AGTPBP1: variants seen among roughly 807,000 people sequenced by gnomAD.
The protein encoded by AGTPBP1 is cytosolic carboxypeptidase 1.
A neutral mutation model predicts 143.9 loss-of-function variants in AGTPBP1; 70 were observed. The observed-to-expected ratio is 0.49, with a 90% CI of 0.40 to 0.59. AGTPBP1 has a LOEUF of 0.59. AGTPBP1 is among the 20% of genes least tolerant of loss of function. The pLI is 0.00. For synonymous variants in AGTPBP1, 463 were observed against 500.2 expected (o/e 0.93, Z 0.99); for missense variants, 1,229 against 1,464.5 (o/e 0.84, Z 2.62).
At chr9:85,688,916 A>G (rs952567478) in intron 3 of AGTPBP1, among the ~76,000 whole-genome samples, 3 of 152,180 alleles carry the variant, frequency 2.0e-5, no homozygotes, top group African/African-American at 4.8e-5. Context: ...TAACAATTTG[A>G]TATGTATCCT....
upstream of AGTPBP1, chr9:85,742,013 G>A: frequency 1.7e-6 from 2 of 1,204,312 alleles, no homozygotes; most frequent in Middle Eastern, 3.3e-4. Flanking sequence ...TTGCCAGCCG[G>A]CTCCCAGCAC....
intron 14 of AGTPBP1, among the ~76,000 whole-genome samples, chr9:85,625,668 G>T (rs555447428): frequency 6.6e-6 from 1 of 151,660 alleles, no homozygotes. Context: ...GGCAGAACAC[G>T]ATGGCAGGAG....
chr9:85,661,046 A>G, intron 8 of AGTPBP1, 73 bp from the exon 9 acceptor site: 1 of 1,244,088 alleles, frequency 8.0e-7, no homozygotes, highest in Non-Finnish European at 1.1e-6. Context: ...AATTCATACA[A>G]TCTTTTTCAA....
At chr9:85,702,892 G>A (rs549813926) in intron 2 of AGTPBP1, among the ~76,000 whole-genome samples, 1 of 152,112 alleles carries the variant, frequency 6.6e-6, no homozygotes, top group Non-Finnish European at 1.5e-5. Context: ...TGCCTGATCT[G>A]CTTCTCTGGA....
At chr9:85,762,573 C>T in the AGTPBP1 span, among the ~76,000 whole-genome samples, 7 of 140,822 alleles carry the variant, frequency 5.0e-5, no homozygotes, top group Non-Finnish European at 9.0e-5. Flanking sequence ...TTGAACAATG[C>T]GAACACTTGG....
chr9:85,707,152 G>T (rs889794707), intron 2 of AGTPBP1, among the ~76,000 whole-genome samples: 3 of 151,988 alleles, frequency 2.0e-5, no homozygotes, highest in Non-Finnish European at 4.4e-5. Flanking sequence ...ATAACCCATG[G>T]ATCAAAGAAA....
chr9:85,730,010 C>G (rs1046755558), intron 1 of AGTPBP1, among the ~76,000 whole-genome samples: 1 of 152,084 alleles, frequency 6.6e-6, no homozygotes, highest in Non-Finnish European at 1.5e-5. Context: ...GTCTGAGGTT[C>G]CTGATTACCA....
At chr9:85,713,235 A>C (rs1034900528) in intron 1 of AGTPBP1, among the ~76,000 whole-genome samples, 1 of 152,242 alleles carries the variant, frequency 6.6e-6, no homozygotes, top group Non-Finnish European at 1.5e-5. Flanking sequence ...CTGTGAATTC[A>C]AAAAGTTAAT....
the AGTPBP1 span, among the ~76,000 whole-genome samples, chr9:85,758,642 C>T: frequency 6.6e-6 from 1 of 151,950 alleles, no homozygotes; most frequent in Non-Finnish European, 1.5e-5. Flanking sequence ...AAAACTCCAT[C>T]TCAACAAAAA....
In AGTPBP1 at chr9:85,690,446, T is replaced by A. The variant is rs770430175; in HGVS notation, c.157+2243A>T. Among the ~76,000 whole-genome samples the A allele has an allele frequency of 3.9e-4, 60 of 152,106 alleles. 1 individual carries two copies. The highest frequency in any genetic ancestry group is 2.0e-4 in the Admixed American group (3 of 15,266). On this transcript the variant is annotated intron_variant, in intron 3 of 25. Coordinates refer to ENST00000357081, the MANE Select transcript of AGTPBP1 (RefSeq NM_001330701.2). ...TGAAAAGGTGGGAAGAGGGTCATTC[T>A]CTGATAGTGGTATGGTCAGGAGTAT...
At chr9:85,681,049 AT>A (rs2134158212) in intron 4 of AGTPBP1, among the ~76,000 whole-genome samples, 1 of 152,354 alleles carries the variant, frequency 6.6e-6, no homozygotes, top group African/African-American at 2.4e-5. Context: ...ACATATTAAA[AT>A]ATTTATACCA....
Position 85,718,979 on chromosome 9 carries a change from A to G in AGTPBP1, c.-33-6413T>C, listed in dbSNP as rs1837915409. Among the ~76,000 whole-genome samples, 3 of 152,100 alleles carry G rather than the reference A, an allele frequency of 2.0e-5. 1 individual carries two copies. Among genetic ancestry groups the G allele is most frequent in the Admixed American group, 2.0e-4 (3 of 15,268 alleles). On this transcript the variant is annotated intron_variant, in intron 1 of 25. Transcript: ENST00000357081. ...GGTTTGTCAAAGATCAGATGGTTGC[A>G]GATGTATGGTGTTATATCTGAGGCC...
intron 2 of AGTPBP1, among the ~76,000 whole-genome samples, chr9:85,697,434 A>ATTTGTTT (rs1564156409): frequency 1.5e-4 from 19 of 124,512 alleles, no homozygotes; most frequent in South Asian, 7.8e-4. Flanking sequence ...ATGGGTCTTA[A>ATTTGTTT]TTTGTTTTTT....
the AGTPBP1 span, among the ~76,000 whole-genome samples, chr9:85,784,570 G>C: frequency 6.6e-6 from 1 of 152,142 alleles, no homozygotes; most frequent in Non-Finnish European, 1.5e-5. Flanking sequence ...ACTGCACCCA[G>C]CTAGGGAGCA....
chr9:85,616,876 C>A (rs1172763121), intron 17 of AGTPBP1, among the ~76,000 whole-genome samples: 1 of 151,932 alleles, frequency 6.6e-6, no homozygotes, highest in Non-Finnish European at 1.5e-5. Flanking sequence ...ATATTCCTAT[C>A]ACTATTCACA....
chr9:85,600,825 C>A (rs1249260544), intron 17 of AGTPBP1, among the ~76,000 whole-genome samples: 1 of 152,174 alleles, frequency 6.6e-6, no homozygotes, highest in Non-Finnish European at 1.5e-5. Context: ...CGAGGCCCAA[C>A]AGCCTCTGCC....
At chr9:85,689,400 A>G (rs977861609) in intron 3 of AGTPBP1, among the ~76,000 whole-genome samples, 1 of 152,188 alleles carries the variant, frequency 6.6e-6, no homozygotes, top group African/African-American at 2.4e-5. Context: ...TGTAGGGGTT[A>G]CAAGAGTCCC....
the AGTPBP1 span, among the ~76,000 whole-genome samples, chr9:85,755,694 T>C: frequency 3.0e-4 from 45 of 152,130 alleles, no homozygotes; most frequent in African/African-American, 8.0e-4. Context: ...GGAACTCAAG[T>C]TGGGGAGATA....
chr9:85,617,250 G>A (rs1830649285), intron 17 of AGTPBP1, among the ~76,000 whole-genome samples: 1 of 152,102 alleles, frequency 6.6e-6, no homozygotes, highest in Non-Finnish European at 1.5e-5. Context: ...GGATGATACA[G>A]CATTTCATGT....
Sources: gnomAD v4.1 joint callset for allele counts (sites outside exome capture counted in the v4.1 genomes callset) on GRCh38, gnomAD v4.1.1 for gene constraint, MANE v1.5 for transcripts, NCBI Gene and HGNC (gene_info 2026-07-23, HGNC 2026-07-21) for gene names.